The following KANK2 variants were observed in gnomAD, a reference collection of about 807,000 sequenced individuals.
KANK2 encodes the protein KN motif and ankyrin repeat domain-containing protein 2.
KANK2 carries 41 observed loss-of-function variants against 74.6 expected under a neutral mutation model. That is an observed-to-expected ratio of 0.55 (90% CI 0.43 to 0.71). The LOEUF is 0.71. KANK2 is among the 30% of genes least tolerant of loss of function. KANK2 has a pLI of 0.00. For missense variants in KANK2, 1,148 were observed against 1,196.4 expected (o/e 0.96, Z 0.60); for synonymous variants, 537 against 519.0 (o/e 1.03, Z -0.47).
chr19:11,166,335 G>A lies in KANK2; in HGVS notation c.*223C>T, dbSNP rs369843622. 55 of 557,482 alleles carry A rather than the reference G, an allele frequency of 9.9e-5. No homozygotes were observed. The highest frequency in any genetic ancestry group is 7.4e-4 in the African/African-American group (39 of 52,766). The allele number at this position is 557,482 out of a possible 1,614,324, so 34.5% of individuals were successfully genotyped here. A position where few individuals can be genotyped will look rare whatever the true frequency, so the allele number is the denominator to read the frequency against. Reference sequence around the variant, plus strand: ...ATACAAGAATTTTGCTTCGGTCTGCGCTGTGGCCACTTTGAACAGGGGAGC... The same window carrying A: ...ATACAAGAATTTTGCTTCGGTCTGCACTGTGGCCACTTTGAACAGGGGAGC... On this transcript the variant is annotated 3_prime_UTR_variant, in exon 13 of 13. Coordinates refer to ENST00000586659, the MANE Select transcript of KANK2 (RefSeq NM_001136191.3).
chr19:11,176,839 G>A lies in KANK2; in HGVS notation c.1521-22C>T, dbSNP rs199501503. 16 of 1,494,930 alleles carry A rather than the reference G, an allele frequency of 1.1e-5. No homozygotes were observed. The South Asian group carries it at 1.4e-4, about 13-fold the overall frequency. 92.6% of individuals were successfully genotyped at this position (1,494,930 alleles called of 1,614,324 possible). A position where few individuals can be genotyped will look rare whatever the true frequency, so the allele number is the denominator to read the frequency against. On this transcript the variant is annotated intron_variant, in intron 6 of 12. Coordinates refer to ENST00000586659, the MANE Select transcript of KANK2 (RefSeq NM_001136191.3). ...ATACCTGGGGAGGAACGAGCGGGGA[G>A]GGGGAGATGCTGCAGGTGGGATGAG...
At chr19:11,189,106 C>CCA (rs1555819504) in intron 4 of KANK2, among the ~76,000 whole-genome samples, 2 of 140,050 alleles carry the variant, frequency 1.4e-5, no homozygotes, top group African/African-American at 2.7e-5. Context: ...TCTCCCCCCC[C>CCA]ACCCCCGCCC....
chr19:11,166,716 G>A, intron 12 of KANK2, 105 bp from the exon 13 acceptor site: 2 of 1,065,976 alleles, frequency 1.9e-6, no homozygotes, highest in Non-Finnish European at 2.9e-6. Flanking sequence ...GCAGGAGGGA[G>A]GCGTGGCCCC....
chr19:11,186,612 T>C (rs1015655694), intron 4 of KANK2, among the ~76,000 whole-genome samples: 2 of 151,600 alleles, frequency 1.3e-5, no homozygotes, highest in Non-Finnish European at 2.9e-5. Context: ...GGCAGGAGAA[T>C]CGCTTGAACC....
rs34333186 is a variant in KANK2, at chr19:11,174,215, T to A, written c.2068+258A>T. Among the ~76,000 whole-genome samples, 8,281 of 152,248 alleles carry A rather than the reference T, an allele frequency of 0.054. 312 individuals carry two copies. The highest frequency in any genetic ancestry group is 0.086 in the Admixed American group (1,313 of 15,294). On this transcript the variant is annotated intron_variant, in intron 9 of 12. Transcript: ENST00000586659. ...CTCCTCCATCAGACTGGGAGGGCCA[T>A]ATACCCCACCCCATTGAACTGGGAA...
intron 4 of KANK2, among the ~76,000 whole-genome samples, chr19:11,179,498 G>A (rs189135359): frequency 4.7e-5 from 7 of 148,090 alleles, no homozygotes; most frequent in Non-Finnish European, 6.0e-5. Flanking sequence ...TTAGCTGGGC[G>A]TGGTGGGGGG....
chr19:11,197,420 GA>G (rs1182608471), intron 1 of KANK2, 64 bp downstream of exon 1: 1 of 151,736 alleles, frequency 6.6e-6, no homozygotes, highest in Non-Finnish European at 1.5e-5. Flanking sequence ...GGTGTGTGTG[GA>G]GGGGGTGCAC....
chr19:11,181,988 G>A (rs2078533761), intron 4 of KANK2, among the ~76,000 whole-genome samples: 1 of 145,870 alleles, frequency 6.9e-6, no homozygotes, highest in African/African-American at 2.5e-5. Flanking sequence ...TGCGATCTTG[G>A]CTCACTGCAA....
At chr19:11,167,295 C>A (rs2078049693) in intron 12 of KANK2, among the ~76,000 whole-genome samples, 1 of 152,048 alleles carries the variant, frequency 6.6e-6, no homozygotes, top group African/African-American at 2.4e-5. Context: ...AAACTCCTGA[C>A]CTCAGGTGAT....
intron 4 of KANK2, among the ~76,000 whole-genome samples, chr19:11,186,196 T>C (rs2078670541): frequency 6.6e-6 from 1 of 152,056 alleles, no homozygotes; most frequent in African/African-American, 2.4e-5. Flanking sequence ...GAGACCAGCC[T>C]GGCCAACATG....
intron 4 of KANK2, among the ~76,000 whole-genome samples, chr19:11,179,953 C>T (rs1568646871): frequency 1.3e-5 from 2 of 152,208 alleles, no homozygotes; most frequent in South Asian, 4.1e-4. Context: ...CTGTGCCTCC[C>T]GGATTCAAGT....
chr19:11,188,282 C>G (rs1249028882), intron 4 of KANK2, among the ~76,000 whole-genome samples: 1 of 151,708 alleles, frequency 6.6e-6, no homozygotes, highest in Non-Finnish European at 1.5e-5. Context: ...GAGCTCAGCT[C>G]ACTGCAATTT....
intron 6 of KANK2, among the ~76,000 whole-genome samples, chr19:11,177,904 C>T (rs1180360774): frequency 6.6e-6 from 1 of 152,148 alleles, no homozygotes; most frequent in Non-Finnish European, 1.5e-5. Context: ...TTGCTAGCTC[C>T]TACTTCTCCC....
At chr19:11,175,136 A>G (rs2078297463) in intron 8 of KANK2, among the ~76,000 whole-genome samples, 1 of 151,690 alleles carries the variant, frequency 6.6e-6, no homozygotes. Flanking sequence ...TTTTAAAACA[A>G]TTTGTAGAGG....
At chr19:11,178,524 G>A (rs369003634) in intron 5 of KANK2, 29 bp downstream of exon 5, 19 of 1,602,642 alleles carry the variant, frequency 1.2e-5, no homozygotes, top group African/African-American at 2.7e-5. Context: ...CCGGTGCCCC[G>A]TCCCTCTTGG....
Position 11,193,970 on chromosome 19 carries a change from G to C in KANK2, c.110C>G (p.Pro37Arg), listed in dbSNP as rs752248595. 1 of 1,614,088 alleles carries C rather than the reference G, an allele frequency of 6.2e-7. No homozygotes were observed. The highest frequency in any genetic ancestry group is 8.5e-7 in the Non-Finnish European group (1 of 1,179,990). ...GTCCAGGTCCAGGCGGTAGCCATAG[G>C]GGGTCTCCACGGAGTAGGGTGGATC... The part of the protein sequence containing the change: ...DPDPPYSVET[P>R]YGYRLDLDFL... Residue 37 changes from proline (P) to arginine (R), a missense_variant, in exon 4 of 13, where the codon CCC (proline) becomes CGC (arginine). Transcript: ENST00000586659. The surrounding 1 kb of genome is among the most constrained non-coding windows in gnomAD (Gnocchi z 9.6).
Position 11,164,435 on chromosome 19 carries a change from C to T in KANK2, c.*2123G>A, listed in dbSNP as rs1013243456. ...TGAGAAGAGAATGGGCGCAGAGGCA[C>T]GAGTCCAGTATCCCACGGAGAGAAG... On this transcript the variant is annotated 3_prime_UTR_variant, in exon 13 of 13. Coordinates refer to ENST00000586659, the MANE Select transcript of KANK2 (RefSeq NM_001136191.3). 6.6e-6 allele frequency: 1 copy of T among 152,086 alleles called. No homozygotes were observed. The highest frequency in any genetic ancestry group is 2.4e-5 in the African/African-American group (1 of 41,414). 9.4% of individuals were successfully genotyped at this position (152,086 alleles called of 1,614,324 possible). A position where few individuals can be genotyped will look rare whatever the true frequency, so the allele number is the denominator to read the frequency against.
intron 4 of KANK2, among the ~76,000 whole-genome samples, chr19:11,189,481 G>C (rs889003378): frequency 6.6e-6 from 1 of 151,636 alleles, no homozygotes; most frequent in Non-Finnish European, 1.5e-5. Flanking sequence ...GTGCATGCCT[G>C]TAATCCCAGC....
At chr19:11,194,419 AG>A (rs2147636426) in intron 3 of KANK2, 55 bp downstream of exon 3, 1 of 1,423,598 alleles carries the variant, frequency 7.0e-7, no homozygotes, top group South Asian at 1.1e-5. Flanking sequence ...CAGCCCCCTC[AG>A]GCCTCCAGAA....
Sources: gnomAD v4.1 joint callset for allele counts (sites outside exome capture counted in the v4.1 genomes callset) on GRCh38, gnomAD v4.1.1 for gene constraint, Gnocchi (gnomAD v3.1) non-coding constraint, MANE v1.5 for transcripts, NCBI Gene and HGNC (gene_info 2026-07-23, HGNC 2026-07-21) for gene names.